The following KALRN variants were observed in gnomAD, a reference collection of about 807,000 sequenced individuals.
The protein encoded by KALRN is kalirin.
A neutral mutation model predicts 353.7 loss-of-function variants in KALRN; 70 were observed. The observed-to-expected ratio is 0.20, with a 90% CI of 0.16 to 0.24. The LOEUF (loss-of-function observed/expected upper bound fraction) is 0.24. Among genes scored for constraint, KALRN ranks in the 10% least tolerant of loss-of-function variants. The probability of loss-of-function intolerance (pLI) is 1.00; values close to 1 mark genes in which losing one functional copy is unlikely to be tolerated. For missense variants in KALRN, 2,791 were observed against 3,756.7 expected, an observed-to-expected ratio of 0.74 and a Z score of 6.72; for synonymous variants, 1,391 against 1,434.8, an observed-to-expected ratio of 0.97 and a Z score of 0.69.
chr3:124,412,737 C>T (rs185273846), intron 13 of KALRN, among the ~76,000 whole-genome samples: 99 of 152,316 alleles, frequency 6.5e-4, no homozygotes, highest in African/African-American at 2.4e-3. Flanking sequence ...TAATGCCTTT[C>T]AATTGATTAA....
intron 33 of KALRN, among the ~76,000 whole-genome samples, chr3:124,513,825 G>A (rs2066226272): frequency 6.6e-6 from 1 of 152,152 alleles, no homozygotes; most frequent in African/African-American, 2.4e-5. Context: ...TAACAGGTGG[G>A]CATACCTCCG....
At position 124,438,476 on chromosome 3, in the gene KALRN, C is replaced by T. The variant is rs559106260; in HGVS notation, c.3049-412C>T. Among the ~76,000 whole-genome samples the T allele has an allele frequency of 3.0e-4, 46 of 152,080 alleles. No individual in the cohort carries two copies. In the Middle Eastern group the frequency reaches 0.01, roughly 34 times the overall value. The stretch of plus-strand genomic sequence containing the variant: ...TCCTCCTTTGTCTCTGCTTGAGGCT[C>T]CTTACTATGGGACAAGTACAGATGG... On this transcript the variant is annotated intron_variant, in intron 17 of 59. Transcript: ENST00000682506.
chr3:124,297,403 T>C (rs2076930123), intron 5 of KALRN, among the ~76,000 whole-genome samples: 1 of 152,248 alleles, frequency 6.6e-6, no homozygotes. Context: ...CACACCTTTC[T>C]TGGCTTTTGC....
intron 47 of KALRN, among the ~76,000 whole-genome samples, chr3:124,670,209 C>T (rs999528403): frequency 2.6e-5 from 4 of 152,178 alleles, no homozygotes; most frequent in Non-Finnish European, 5.9e-5. Flanking sequence ...GTCCTGAACT[C>T]CTGGCCTCAA....
At chr3:124,204,437 A>T (rs1229890387) in intron 1 of KALRN, among the ~76,000 whole-genome samples, 1 of 152,226 alleles carries the variant, frequency 6.6e-6, no homozygotes, top group African/African-American at 2.4e-5. Context: ...TATTCTCCAC[A>T]TGTGGAGTGT....
intron 34 of KALRN, among the ~76,000 whole-genome samples, chr3:124,593,839 T>C (rs958320985): frequency 6.6e-5 from 10 of 152,334 alleles, no homozygotes; most frequent in African/African-American, 2.4e-4. Context: ...GCTTTTATTT[T>C]GTTTTCCTCA....
intron 10 of KALRN, among the ~76,000 whole-genome samples, chr3:124,369,797 A>G (rs1428419705): frequency 7.6e-6 from 1 of 132,290 alleles, no homozygotes; most frequent in African/African-American, 2.9e-5. Context: ...AGCCCCTGGT[A>G]ACCACCTTAC....
intron 47 of KALRN, among the ~76,000 whole-genome samples, chr3:124,670,044 A>T (rs2086209130): frequency 6.8e-6 from 1 of 148,098 alleles, no homozygotes; most frequent in African/African-American, 2.5e-5. Context: ...ATCTCAGTTC[A>T]CTGCAAATCT....
chr3:124,217,475 C>T lies in KALRN; in HGVS notation c.74-10515C>T, dbSNP rs147463832. ...GGATCTGTGTATGTGTGTGTGTGTG[C>T]GTGTATGGGTACGTACACAGACCTT... On this transcript the variant is annotated intron_variant, in intron 1 of 59. Transcript: ENST00000682506. 2.1e-3 allele frequency among the ~76,000 whole-genome samples: 313 copies of T among 152,032 alleles called. 1 individual carries two copies. The highest frequency in any genetic ancestry group is 7.1e-3 in the African/African-American group (296 of 41,456).
At position 124,713,061 on chromosome 3, in the gene KALRN, C is replaced by A. The variant is rs750083202; in HGVS notation, c.8202C>A (p.His2734Gln). 6.2e-7 allele frequency: 1 copy of A among 1,614,134 alleles called. No homozygotes were observed. Among genetic ancestry groups the A allele is most frequent in the South Asian group, 1.1e-5 (1 of 91,078 alleles). ...CCCACGAGGCTGCCCTGCTTCAGCA[C>A]CTACAGCACCCCCAGTACATCACTC... ...QAAHEAALLQ[H>Q]LQHPQYITLH... The change falls in exon 58 of 60, where the codon CAC becomes CAA. Residue 2734 changes from histidine (H) to glutamine (Q), a missense_variant. Coordinates refer to ENST00000682506, the MANE Select transcript of KALRN (RefSeq NM_001388419.1).
At chr3:124,496,139 A>G (rs1343184895) in intron 32 of KALRN, among the ~76,000 whole-genome samples, 172 bp from the exon 33 acceptor site, 2 of 151,000 alleles carry the variant, frequency 1.3e-5, no homozygotes, top group Non-Finnish European at 3.0e-5. Context: ...AAGAAGTGAC[A>G]TCACTGAAAA....
At chr3:124,475,771 A>C (rs1347423465) in intron 26 of KALRN, among the ~76,000 whole-genome samples, 3 of 152,192 alleles carry the variant, frequency 2.0e-5, no homozygotes, top group Non-Finnish European at 2.9e-5. Flanking sequence ...TTCTCAGATA[A>C]GCTTTTTTTC....
chr3:124,198,883 G>T (rs891590811), intron 1 of KALRN, among the ~76,000 whole-genome samples: 1 of 152,174 alleles, frequency 6.6e-6, no homozygotes, highest in Non-Finnish European at 1.5e-5. Flanking sequence ...GAGGGATCCA[G>T]AGCAGAGGCT....
intron 36 of KALRN, among the ~76,000 whole-genome samples, chr3:124,634,422 C>A (rs2081134155): frequency 6.6e-6 from 1 of 152,230 alleles, no homozygotes; most frequent in South Asian, 2.1e-4. Flanking sequence ...AATGAAGATG[C>A]TGCTAAGGGG....
intron 10 of KALRN, among the ~76,000 whole-genome samples, chr3:124,364,732 C>G (rs2084449558): frequency 6.6e-6 from 1 of 152,198 alleles, no homozygotes; most frequent in Non-Finnish European, 1.5e-5. Flanking sequence ...CTCTGACTCC[C>G]TCCCACCAGC....
chr3:124,672,755 GC>G (rs2086621869), intron 48 of KALRN, among the ~76,000 whole-genome samples: 1 of 152,192 alleles, frequency 6.6e-6, no homozygotes, highest in South Asian at 2.1e-4. Flanking sequence ...TAGGAATCAG[GC>G]AAACCTGGTT....
At chr3:124,389,725 T>A (rs911183171) in intron 11 of KALRN, among the ~76,000 whole-genome samples, 7 of 152,164 alleles carry the variant, frequency 4.6e-5, no homozygotes, top group African/African-American at 1.7e-4. Flanking sequence ...AAACTGTATA[T>A]CCAGTACAAC....
At chr3:124,687,907 A>G (rs1247451623) in intron 51 of KALRN, among the ~76,000 whole-genome samples, 1 of 152,216 alleles carries the variant, frequency 6.6e-6, no homozygotes, top group Non-Finnish European at 1.5e-5. Flanking sequence ...AATGATAACG[A>G]AAATACTTGG....
intron 10 of KALRN, chr3:124,374,392 G>A (rs553599411): frequency 6.6e-6 from 1 of 152,310 alleles, no homozygotes; most frequent in Non-Finnish European, 1.5e-5. Flanking sequence ...CTTTAAGAGG[G>A]TCAGGTACCT....
Sources: allele counts gnomAD v4.1 joint callset (sites outside exome capture counted in the v4.1 genomes callset), GRCh38; gene constraint gnomAD v4.1.1; transcripts MANE v1.5; gene names NCBI Gene and HGNC (gene_info 2026-07-23, HGNC 2026-07-21).